ZNF573: variants seen among roughly 807,000 people sequenced by gnomAD.
ZNF573 encodes zinc finger protein 573.
In ZNF573, 41 loss-of-function variants were observed where a neutral mutation model predicts 57.4. That is an observed-to-expected ratio of 0.71 (90% CI 0.56 to 0.93). The LOEUF is 0.93. Among genes scored for constraint, ZNF573 ranks in the 40% least tolerant of loss-of-function variants. The probability of loss-of-function intolerance (pLI) is 0.00; values close to 1 mark genes in which losing one functional copy is unlikely to be tolerated. For synonymous variants in ZNF573, 249 were observed against 261.0 expected (o/e 0.95, Z 0.44); for missense variants, 730 against 794.8 (o/e 0.92, Z 0.98).
Position 37,776,704 on chromosome 19 carries a change from A to G in ZNF573, c.-23+2840T>C, listed in dbSNP as rs143170793. 3.2e-3 allele frequency among the ~76,000 whole-genome samples: 485 copies of G among 152,354 alleles called. 5 individuals are homozygous for G. Among genetic ancestry groups the G allele is most frequent in the African/African-American group, 0.011 (445 of 41,586 alleles). ...TCAGCAGAGTAAACAGACAACCCAC[A>G]GGATAGGAAAAAGTATTCACAAACT... On this transcript the variant is annotated intron_variant, in intron 1 of 4. Coordinates refer to ENST00000536220, the MANE Select transcript of ZNF573 (RefSeq NM_001172690.2).
intron 1 of ZNF573, among the ~76,000 whole-genome samples, chr19:37,775,516 C>T (rs2045699536): frequency 6.6e-6 from 1 of 152,140 alleles, no homozygotes; most frequent in African/African-American, 2.4e-5. Context: ...CACTGACTTA[C>T]CCGTTCCTAT....
At chr19:37,770,188 G>T in intron 3 of ZNF573, 91 bp from the exon 4 acceptor site, 1 of 991,722 alleles carries the variant, frequency 1.0e-6, no homozygotes, top group South Asian at 1.7e-5. Context: ...ATGAACTAAG[G>T]ACTTCAAATA....
chr19:37,779,044 A>AT (rs1003465478), intron 1 of ZNF573, among the ~76,000 whole-genome samples: 5 of 152,060 alleles, frequency 3.3e-5, no homozygotes, highest in African/African-American at 1.2e-4. Context: ...TCTTGCAGAC[A>AT]TTTTTTGTGT....
rs1347453419 is a variant in ZNF573, at chr19:37,739,180, G to C, written c.1310C>G (p.Thr437Ser). 6.2e-7 allele frequency: 1 copy of C among 1,612,338 alleles called. No individual in the cohort carries two copies. The highest frequency in any genetic ancestry group is 8.5e-7 in the Non-Finnish European group (1 of 1,179,570). Residue 437 changes from threonine to serine, a missense_variant, in exon 5 of 5, where the codon ACT becomes AGT. Transcript: ENST00000536220. ...GYLKQHQKIH[T>S]GMKHFECKEC... Reference sequence around the variant, plus strand: ...CTTACATTCAAAGTGTTTCATGCCAGTATGAATTTTCTGATGTTGTTTAAG... The same window carrying C: ...CTTACATTCAAAGTGTTTCATGCCACTATGAATTTTCTGATGTTGTTTAAG...
chr19:37,766,724 G>A (rs11883255), intron 4 of ZNF573, among the ~76,000 whole-genome samples: 12,140 of 152,208 alleles, frequency 0.08, 736 homozygotes, highest in African/African-American at 0.16. Context: ...CTTTAACACA[G>A]TAAACCATAA....
At chr19:37,741,101 C>A (rs180870336) in intron 4 of ZNF573, among the ~76,000 whole-genome samples, 1 of 152,170 alleles carries the variant, frequency 6.6e-6, no homozygotes, top group African/African-American at 2.4e-5. Context: ...TTCCACAGAC[C>A]GTTTAACTGC....
intron 4 of ZNF573, among the ~76,000 whole-genome samples, chr19:37,763,157 A>C (rs1400820086): frequency 1.3e-5 from 2 of 152,082 alleles, no homozygotes; most frequent in Admixed American, 6.6e-5. Flanking sequence ...GCACCTGTGG[A>C]AAAGAGAGCT....
intron 4 of ZNF573, among the ~76,000 whole-genome samples, chr19:37,743,567 G>A (rs944420559): frequency 2.4e-4 from 37 of 152,126 alleles, no homozygotes; most frequent in African/African-American, 8.9e-4. Flanking sequence ...CAACCACTGT[G>A]GAAGACAGTA....
chr19:37,749,147 T>C (rs2045410426), intron 4 of ZNF573, among the ~76,000 whole-genome samples: 1 of 151,888 alleles, frequency 6.6e-6, no homozygotes, highest in Non-Finnish European at 1.5e-5. Context: ...AGGTGAAATT[T>C]AATGACAACT....
intron 1 of ZNF573, among the ~76,000 whole-genome samples, chr19:37,775,076 G>A (rs564345185): frequency 6.6e-6 from 1 of 150,502 alleles, no homozygotes; most frequent in African/African-American, 2.4e-5. Flanking sequence ...GAGTACAGTG[G>A]TGTGATCATA....
chr19:37,770,638 G>T (rs1324229908), intron 3 of ZNF573: 2 of 147,960 alleles, frequency 1.4e-5, no homozygotes, highest in African/African-American at 5.0e-5. Context: ...AGGCATGGTG[G>T]TGCATCTACA....
chr19:37,766,393 C>T (rs985500547), intron 4 of ZNF573, among the ~76,000 whole-genome samples: 1 of 152,226 alleles, frequency 6.6e-6, no homozygotes, highest in African/African-American at 2.4e-5. Flanking sequence ...TTTTCCTCAG[C>T]ACAATTTTAC....
At chr19:37,746,401 TAAA>T (rs1308199322) in intron 4 of ZNF573, among the ~76,000 whole-genome samples, 1 of 152,094 alleles carries the variant, frequency 6.6e-6, no homozygotes, top group African/African-American at 2.4e-5. Context: ...GCTGTCAGGG[TAAA>T]AAGTTACATA....
rs1248364970 is a variant in ZNF573, at chr19:37,738,413, C to G, written c.*79G>C. ...ACTCTCTCAATTGCTAAAGCCATACCTATAAGACTAACATTCCATCATTTC... is the reference window on the plus strand; with the variant it reads ...ACTCTCTCAATTGCTAAAGCCATACGTATAAGACTAACATTCCATCATTTC... On this transcript the variant is annotated 3_prime_UTR_variant, in exon 5 of 5. Coordinates refer to ENST00000536220, the MANE Select transcript of ZNF573 (RefSeq NM_001172690.2). The G allele has an allele frequency of 1.4e-6, 2 of 1,435,250 alleles. No homozygotes were observed. The highest frequency in any genetic ancestry group is 2.8e-5 in the African/African-American group (2 of 70,596). The allele number at this position is 1,435,250 out of a possible 1,614,324, so 88.9% of individuals were successfully genotyped here.
intron 4 of ZNF573, among the ~76,000 whole-genome samples, chr19:37,760,092 A>G (rs1336045051): frequency 3.3e-5 from 5 of 152,250 alleles, no homozygotes; most frequent in Non-Finnish European, 7.3e-5. Context: ...AAAATACTCC[A>G]GAGTGATTGG....
chr19:37,768,888 G>C (rs540859625), intron 4 of ZNF573, among the ~76,000 whole-genome samples: 2 of 151,780 alleles, frequency 1.3e-5, no homozygotes, highest in East Asian at 3.9e-4. Context: ...GGATGGTCTC[G>C]ATCTCCTGAC....
rs567381384 is a variant in ZNF573 at position 37,761,885 on chromosome 19, T to C, written c.295+8120A>G. Among the ~76,000 whole-genome samples the C allele has an allele frequency of 2.6e-5, 4 of 152,352 alleles. No homozygotes were observed. The East Asian group carries it at 5.8e-4, about 22-fold the overall frequency. ...AGATCAATTTGTATGCCTTTTCTTC[T>C]CAATCTGCCTTTTGTCAGTGATTTT... On this transcript the variant is annotated intron_variant, in intron 4 of 4. Coordinates refer to ENST00000536220, the MANE Select transcript of ZNF573 (RefSeq NM_001172690.2).
chr19:37,759,714 C>T lies in ZNF573; in HGVS notation c.295+10291G>A, dbSNP rs534642324. On this transcript the variant is annotated intron_variant, in intron 4 of 4. Coordinates refer to ENST00000536220, the MANE Select transcript of ZNF573 (RefSeq NM_001172690.2). ...CTGCACTCCAGCCTGGGCAACACAG[C>T]GAGACTCTGTCTCAAAAAATAAATA... 5.0e-4 allele frequency among the ~76,000 whole-genome samples: 76 copies of T among 151,312 alleles called. No individual in the cohort carries two copies. The South Asian group carries it at 0.016, about 31-fold the overall frequency.
At chr19:37,776,297 A>G (rs552175064) in intron 1 of ZNF573, among the ~76,000 whole-genome samples, 6 of 152,336 alleles carry the variant, frequency 3.9e-5, no homozygotes, top group African/African-American at 1.4e-4. Context: ...ATGTAGACCA[A>G]TGGAAGAGAA....
Sources: gnomAD v4.1 joint callset for allele counts (sites outside exome capture counted in the v4.1 genomes callset) on GRCh38, gnomAD v4.1.1 for gene constraint, MANE v1.5 for transcripts, NCBI Gene and HGNC (gene_info 2026-07-23, HGNC 2026-07-21) for gene names.